The following FARP1 variants were observed in gnomAD, a reference collection of about 807,000 sequenced individuals.
FARP1 encodes FERM, ARHGEF and pleckstrin domain-containing protein 1.
Under a neutral mutation model 128.8 loss-of-function variants are expected in FARP1, and 52 were observed. The observed-to-expected ratio is 0.40, with a 90% CI of 0.32 to 0.51. The LOEUF (loss-of-function observed/expected upper bound fraction) is 0.51, where lower values mean the gene tolerates loss of function less well. Among genes scored for constraint, FARP1 ranks in the 20% least tolerant of loss-of-function variants. The pLI is 0.45. For missense variants in FARP1, 1,333 were observed against 1,367.9 expected (o/e 0.97, Z 0.40); for synonymous variants, 580 against 551.8 (o/e 1.05, Z -0.72).
At chr13:98,311,803 A>G (rs1886470820) in intron 2 of FARP1, among the ~76,000 whole-genome samples, 2 of 152,100 alleles carry the variant, frequency 1.3e-5, no homozygotes, top group South Asian at 2.1e-4. Flanking sequence ...CCTGCCTGCA[A>G]TGTAACTGCT....
At chr13:98,276,478 G>A (rs577788233) in intron 2 of FARP1, among the ~76,000 whole-genome samples, 24 of 152,314 alleles carry the variant, frequency 1.6e-4, no homozygotes, top group Non-Finnish European at 2.8e-4. Flanking sequence ...CAAAAGCTAT[G>A]TGATGATTTT....
At chr13:98,364,973 C>T (rs533357622) in intron 3 of FARP1, among the ~76,000 whole-genome samples, 6 of 152,302 alleles carry the variant, frequency 3.9e-5, no homozygotes, top group Admixed American at 3.9e-4. Context: ...TATTCATTCC[C>T]TTTCCGCATC....
At chr13:98,276,718 G>A (rs1884670177) in intron 2 of FARP1, among the ~76,000 whole-genome samples, 2 of 152,186 alleles carry the variant, frequency 1.3e-5, no homozygotes, top group South Asian at 4.1e-4. Flanking sequence ...TAGAAGTTAG[G>A]TTCCTAGGAA....
At chr13:98,415,492 G>A (rs1891340206) in intron 16 of FARP1, among the ~76,000 whole-genome samples, 1 of 152,200 alleles carries the variant, frequency 6.6e-6, no homozygotes, top group Non-Finnish European at 1.5e-5. Context: ...TGCGTGGCAG[G>A]CTTTGCCCAT....
rs1889757250 is a variant in FARP1, at chr13:98,379,102, A to ATATG, written c.496+1186_496+1187insTGTA. ...TATGTAATCTATATATAATATATAT[A>ATATG]TAATATATAATCTATATATAATATA... On this transcript the variant is annotated intron_variant, in intron 6 of 26. Transcript: ENST00000319562. Among the ~76,000 whole-genome samples the ATATG allele has an allele frequency of 2.1e-5, 2 of 97,252 alleles. 1 individual carries two copies. The highest frequency in any genetic ancestry group is 3.8e-5 in the Non-Finnish European group (2 of 52,684). 63.8% of individuals were successfully genotyped at this position (97,252 alleles called of 152,430 possible). A position where few individuals can be genotyped will look rare whatever the true frequency, so the allele number is the denominator to read the frequency against.
chr13:98,280,315 G>A (rs1199940397), intron 2 of FARP1, among the ~76,000 whole-genome samples: 1 of 151,676 alleles, frequency 6.6e-6, no homozygotes, highest in Non-Finnish European at 1.5e-5. Context: ...GCCCAGCCCC[G>A]AGCCCCCACG....
rs114712839 is a variant in FARP1 at position 98,176,970 on chromosome 13, G to C, written c.-24+33478G>C. 1,009 of 1,600,490 alleles carry C rather than the reference G, an allele frequency of 6.3e-4. 20 individuals are homozygous for C. The East Asian group carries it at 0.022, about 35-fold the overall frequency. On this transcript the variant is annotated intron_variant, in intron 1 of 26. Coordinates refer to ENST00000319562, the MANE Select transcript of FARP1 (RefSeq NM_005766.4). The surrounding 1 kb of genome is among the most constrained non-coding windows in gnomAD (Gnocchi z 6.2). ...GGGTGGACCTGTACACCACGTCGAG[G>C]CTCTCAGGCGCCGCCTCCTCGCCCC...
At chr13:98,362,125 A>G (rs1369253615) in intron 3 of FARP1, among the ~76,000 whole-genome samples, 1 of 152,168 alleles carries the variant, frequency 6.6e-6, no homozygotes, top group Admixed American at 6.5e-5. Flanking sequence ...TTAGCCAGGC[A>G]TGGTGGCATG....
chr13:98,159,094 A>C (rs1347270552), intron 1 of FARP1, among the ~76,000 whole-genome samples: 3 of 152,220 alleles, frequency 2.0e-5, no homozygotes, highest in African/African-American at 7.2e-5. Flanking sequence ...CTAGTGTGTG[A>C]ACAAGCATGG....
chr13:98,180,185 A>G (rs760297303), intron 1 of FARP1, among the ~76,000 whole-genome samples: 2 of 152,162 alleles, frequency 1.3e-5, no homozygotes, highest in African/African-American at 2.4e-5. Flanking sequence ...TGGCGTTGGT[A>G]TCTGCTTCTG....
chr13:98,250,916 T>C (rs1438814283), intron 2 of FARP1, among the ~76,000 whole-genome samples: 1 of 152,168 alleles, frequency 6.6e-6, no homozygotes, highest in South Asian at 2.1e-4. Context: ...TGTAAATTAC[T>C]GGTTCAGTGC....
chr13:98,374,479 AT>A (rs1353965099), intron 5 of FARP1, among the ~76,000 whole-genome samples: 7 of 152,064 alleles, frequency 4.6e-5, no homozygotes, highest in Non-Finnish European at 1.0e-4. Flanking sequence ...AGGACCACAT[AT>A]TGCATCTAGT....
intron 13 of FARP1, chr13:98,399,760 C>T (rs1890689137): frequency 2.6e-5 from 4 of 152,184 alleles, no homozygotes; most frequent in Admixed American, 1.3e-4. Context: ...ATCTTAAAGC[C>T]ACTGTTGGCT....
intron 1 of FARP1, chr13:98,175,920 TTGTGTG>T: frequency 1.9e-6 from 1 of 531,080 alleles, no homozygotes; most frequent in Non-Finnish European, 3.4e-6. Context: ...TAGCATTCCA[TTGTGTG>T]TGTGTATCGC....
chr13:98,235,502 C>G (rs79743459), intron 2 of FARP1, among the ~76,000 whole-genome samples: 6,118 of 152,164 alleles, frequency 0.04, 385 homozygotes, highest in African/African-American at 0.14. Context: ...GGGAAACTCC[C>G]TCTCTCCACA....
intron 2 of FARP1, among the ~76,000 whole-genome samples, chr13:98,302,868 T>C (rs1395041785): frequency 6.6e-6 from 1 of 152,126 alleles, no homozygotes; most frequent in Non-Finnish European, 1.5e-5. Flanking sequence ...TAAGCCCATT[T>C]GGGCAAGAGA....
intron 2 of FARP1, among the ~76,000 whole-genome samples, chr13:98,248,106 A>G (rs936129331): frequency 9.2e-5 from 14 of 152,316 alleles, no homozygotes; most frequent in African/African-American, 2.4e-4. Context: ...AAACAGGCCA[A>G]TGGGTGCAAT....
rs374539999 is a variant in FARP1, at chr13:98,295,600, T to C, written c.172-48162T>C. Among the ~76,000 whole-genome samples the C allele has an allele frequency of 5.3e-5, 8 of 152,358 alleles. No homozygotes were observed. In the East Asian group the frequency reaches 1.2e-3, roughly 22 times the overall value. On this transcript the variant is annotated intron_variant, in intron 2 of 26. Transcript: ENST00000319562. ...TCTGGCTGGGTGAGTCAGTTTCTTA[T>C]GCATCTTTGACTTGCTGATCTTGTT...
At chr13:98,412,322 A>G (rs1485550883) in intron 16 of FARP1, among the ~76,000 whole-genome samples, 4 of 152,180 alleles carry the variant, frequency 2.6e-5, no homozygotes, top group Admixed American at 2.6e-4. Flanking sequence ...TGGAGGGGCA[A>G]TAGGGATTAT....
Sources: allele counts gnomAD v4.1 joint callset (sites outside exome capture counted in the v4.1 genomes callset), GRCh38; gene constraint gnomAD v4.1.1; non-coding constraint Gnocchi (gnomAD v3.1); transcripts MANE v1.5; gene names NCBI Gene and HGNC (gene_info 2026-07-23, HGNC 2026-07-21).